The following PARG variants were observed in gnomAD, a reference collection of about 807,000 sequenced individuals.
PARG encodes the protein poly(ADP-ribose) glycohydrolase.
PARG carries 35 observed loss-of-function variants against 113.0 expected under a neutral mutation model. The observed-to-expected ratio is 0.31, with a 90% CI of 0.24 to 0.41. The LOEUF (loss-of-function observed/expected upper bound fraction) is 0.41. PARG is among the 10% of genes least tolerant of loss of function. The pLI is 1.00. For synonymous variants in PARG, 330 were observed against 409.9 expected (o/e 0.81, Z 2.36); for missense variants, 797 against 1,169.4 (o/e 0.68, Z 4.64).
intron 15 of PARG, among the ~76,000 whole-genome samples, chr10:49,840,208 G>A (rs1186114549): frequency 6.6e-6 from 1 of 151,964 alleles, no homozygotes; most frequent in East Asian, 1.9e-4. Flanking sequence ...TGGGCAATAT[G>A]GTGAAACCCA....
At chr10:49,842,168 C>A in intron 14 of PARG, 110 bp from the exon 15 acceptor site, 1 of 715,436 alleles carries the variant, frequency 1.4e-6, no homozygotes, top group Non-Finnish European at 2.4e-6. Context: ...ATATTAAAAA[C>A]AAACCAGTGT....
chr10:49,886,218 C>A, intron 7 of PARG, among the ~76,000 whole-genome samples: 1 of 152,076 alleles, frequency 6.6e-6, no homozygotes, highest in Admixed American at 6.5e-5. Context: ...AGTGTTCTGG[C>A]CTCTATGCCA....
intron 13 of PARG, among the ~76,000 whole-genome samples, chr10:49,846,096 T>C (rs1554833271): frequency 6.7e-6 from 1 of 149,978 alleles, no homozygotes; most frequent in Admixed American, 6.6e-5. Context: ...CAACTATTGA[T>C]AAAAAATTAA....
intron 13 of PARG, among the ~76,000 whole-genome samples, chr10:49,847,608 AAAG>A (rs1396458610): frequency 5.9e-5 from 9 of 151,952 alleles, no homozygotes; most frequent in African/African-American, 2.2e-4. Flanking sequence ...GTTCCAGTTT[AAAG>A]AATACCAAGG....
chr10:49,937,294 GTGAAACCCCGTCTC>G (rs1838795754), intron 1 of PARG, among the ~76,000 whole-genome samples: 8 of 152,172 alleles, frequency 5.3e-5, no homozygotes, highest in Admixed American at 2.6e-4. Flanking sequence ...GGCTAACATG[GTGAAACCCCGTCTC>G]TACTAAAGAT....
intron 10 of PARG, among the ~76,000 whole-genome samples, chr10:49,866,731 A>G (rs2813087): frequency 5.9e-5 from 9 of 152,246 alleles, no homozygotes; most frequent in African/African-American, 2.2e-4. Flanking sequence ...GTCTGTTAGC[A>G]TTTTTTCGTA....
At chr10:49,937,469 C>T (rs1263970344) in intron 1 of PARG, among the ~76,000 whole-genome samples, 5 of 142,816 alleles carry the variant, frequency 3.5e-5, no homozygotes, top group Admixed American at 7.0e-5. Flanking sequence ...GTGTGAGACT[C>T]TGTCTCAAAA....
chr10:49,922,395 G>A lies in PARG; in HGVS notation c.1603C>T (p.Arg535Trp), dbSNP rs1554849525. 31 of 1,607,972 alleles carry A rather than the reference G, an allele frequency of 1.9e-5. No homozygotes were observed. The highest frequency in any genetic ancestry group is 2.7e-5 in the African/African-American group (2 of 74,774). ...AGTGCAGTCTGAATGAGCTCCCACC[G>A]GCTCCCCGCAGTTCGCTCACCATTC... is the stretch of plus-strand genomic sequence containing the variant. ...DENGERTAGS[R>W]WELIQTALLN... The change falls in exon 6 of 18, where the codon CGG (arginine) becomes TGG (tryptophan). Residue 535 changes from arginine to tryptophan, a missense_variant. By Grantham distance (101) the Arg-to-Trp change is moderately radical. Transcript: ENST00000616448.
chr10:49,925,954 A>C (rs1311623296), intron 4 of PARG, among the ~76,000 whole-genome samples: 1 of 152,244 alleles, frequency 6.6e-6, no homozygotes, highest in Non-Finnish European at 1.5e-5. Context: ...TTTATTCCTG[A>C]TGCAAGTCCT....
chr10:49,835,083 T>C (rs1227786169), intron 15 of PARG, among the ~76,000 whole-genome samples: 1 of 152,118 alleles, frequency 6.6e-6, no homozygotes, highest in Non-Finnish European at 1.5e-5. Context: ...GGGCAGAGCC[T>C]TGAATCAGGG....
In PARG at chr10:49,880,291, T is replaced by G. The variant is rs560068506; in HGVS notation, c.1831-461A>C. ...TAATTCAACAAATAAGTCTTGACCC[T>G]CTTATTCCAAATTACACTTCATACT... On this transcript the variant is annotated intron_variant, in intron 8 of 17. Coordinates refer to ENST00000616448, the MANE Select transcript of PARG (RefSeq NM_003631.5). 2.6e-5 allele frequency among the ~76,000 whole-genome samples: 4 copies of G among 152,320 alleles called. No individual in the cohort carries two copies. The South Asian group carries it at 6.2e-4, about 24-fold the overall frequency.
intron 1 of PARG, among the ~76,000 whole-genome samples, chr10:49,937,953 G>A (rs1441524087): frequency 6.6e-6 from 1 of 152,224 alleles, no homozygotes; most frequent in Non-Finnish European, 1.5e-5. Flanking sequence ...CCACAGGACT[G>A]TGTCAGAGCT....
intron 7 of PARG, among the ~76,000 whole-genome samples, chr10:49,913,672 T>G (rs1312993951): frequency 1.3e-5 from 2 of 151,868 alleles, no homozygotes; most frequent in Admixed American, 6.6e-5. Flanking sequence ...GGAGGCCGAG[T>G]TGGGTGGATC....
At chr10:49,865,428 T>C in intron 10 of PARG, 47 bp from the exon 11 acceptor site, 1 of 616,542 alleles carries the variant, frequency 1.6e-6, no homozygotes, top group Non-Finnish European at 2.9e-6. Context: ...AGTTTCAATT[T>C]TGAAAAGATT....
intron 15 of PARG, among the ~76,000 whole-genome samples, chr10:49,840,514 G>A (rs547366674): frequency 2.3e-4 from 35 of 151,632 alleles, no homozygotes; most frequent in African/African-American, 7.7e-4. Context: ...GGTCTTTCTG[G>A]ATAGCTTTTC....
intron 7 of PARG, among the ~76,000 whole-genome samples, chr10:49,893,671 T>G (rs1281901689): frequency 8.0e-4 from 122 of 151,604 alleles, no homozygotes; most frequent in African/African-American, 2.8e-3. Context: ...TGTGCCAACA[T>G]GCCTGGCTAA....
At chr10:49,898,206 T>C (rs543580773) in intron 7 of PARG, among the ~76,000 whole-genome samples, 2 of 152,246 alleles carry the variant, frequency 1.3e-5, no homozygotes, top group African/African-American at 4.8e-5. Flanking sequence ...TAACTTTAAC[T>C]TACAGAGTTA....
At chr10:49,917,166 C>A (rs1394095008) in intron 6 of PARG, among the ~76,000 whole-genome samples, 1 of 152,084 alleles carries the variant, frequency 6.6e-6, no homozygotes, top group East Asian at 1.9e-4. Flanking sequence ...TTTTCACTCA[C>A]AAGTCATACA....
intron 4 of PARG, among the ~76,000 whole-genome samples, chr10:49,928,552 ATT>A (rs1838332536): frequency 6.6e-6 from 1 of 152,180 alleles, no homozygotes; most frequent in South Asian, 2.1e-4. Context: ...TGTTGGTTTT[ATT>A]TTTAAGAAAC....
Sources: allele counts gnomAD v4.1 joint callset (sites outside exome capture counted in the v4.1 genomes callset), GRCh38; gene constraint gnomAD v4.1.1; transcripts MANE v1.5; gene names NCBI Gene and HGNC (gene_info 2026-07-23, HGNC 2026-07-21).